SLC17A9: variants seen among roughly 807,000 people sequenced by gnomAD.
SLC17A9 encodes the protein voltage-gated purine nucleotide uniporter SLC17A9.
Under a neutral mutation model 55.0 loss-of-function variants are expected in SLC17A9, and 49 were observed. That is an observed-to-expected ratio of 0.89 (90% confidence interval 0.71 to 1.13). SLC17A9 has a LOEUF of 1.13. SLC17A9 is among the 50% of genes most tolerant of loss of function. The pLI is 0.00. For missense variants in SLC17A9, 526 were observed against 569.3 expected (o/e 0.92, Z 0.77); for synonymous variants, 256 against 247.4 (o/e 1.03, Z -0.32).
chr20:62,963,166 C>T (rs1434350736), intron 5 of SLC17A9, 107 bp from the exon 6 acceptor site: 15 of 1,153,120 alleles, frequency 1.3e-5, no homozygotes, highest in East Asian at 7.6e-5. Context: ...GAGGCATGGA[C>T]GAGGCCTGCT....
chr20:62,960,483 C>A, intron 3 of SLC17A9, 21 bp from the exon 4 acceptor site: 2 of 1,604,452 alleles, frequency 1.2e-6, no homozygotes. Flanking sequence ...CCCTGAGAGA[C>A]CCTCCCTCCA....
At position 62,956,867 on chromosome 20, in the gene SLC17A9, C is replaced by T. The variant is rs780355377; in HGVS notation, c.162C>T (p.Asp54=). ...TCTGCACCGTCTCCATGAGCCAGGA[C>T]TTCGGCTGGAACAAGAAGGAGGCCG... ...MPICTVSMSQ[D]FGWNKKEAGI... The change falls in exon 2 of 13, where the codon GAC becomes GAT. Residue 54 remains aspartate (D), a synonymous_variant. Coordinates refer to ENST00000370351, the MANE Select transcript of SLC17A9 (RefSeq NM_022082.4). 13 of 1,613,592 alleles carry T rather than the reference C, an allele frequency of 8.1e-6. No homozygotes were observed. The highest frequency in any genetic ancestry group is 1.1e-5 in the Non-Finnish European group (13 of 1,180,028).
chr20:62,952,720 C>T lies in SLC17A9; in HGVS notation c.-111C>T, dbSNP rs984231273. The T allele has an allele frequency of 2.1e-5, 24 of 1,169,402 alleles. No individual in the cohort carries two copies. The highest frequency in any genetic ancestry group is 3.2e-5 in the South Asian group (2 of 62,938). 72.4% of individuals were successfully genotyped at this position (1,169,402 alleles called of 1,614,324 possible). A position where few individuals can be genotyped will look rare whatever the true frequency, so the allele number is the denominator to read the frequency against. On this transcript the variant is annotated 5_prime_UTR_variant, in exon 1 of 13. Coordinates refer to ENST00000370351, the MANE Select transcript of SLC17A9 (RefSeq NM_022082.4). ...GTCCTGAGAGAACCAGACGGAAGCG[C>T]GCTGGGACTGACACGTGGACTTGGG...
At chr20:62,965,521 C>G (rs1343274232) in intron 9 of SLC17A9, 89 bp from the exon 10 acceptor site, 1 of 1,264,820 alleles carries the variant, frequency 7.9e-7, no homozygotes, top group Non-Finnish European at 1.1e-6. Context: ...TGCGGTGCGC[C>G]CAGGGGGGCT....
In SLC17A9 at chr20:62,960,720, G is replaced by T. The variant is rs984273791; in HGVS notation, c.497+117G>T. On this transcript the variant is annotated intron_variant, in intron 4 of 12. Coordinates refer to ENST00000370351, the MANE Select transcript of SLC17A9 (RefSeq NM_022082.4). ...GGGCTTGCAGGGCCACCATGGTGAGGTGGGTCCCGCAGGCGCCTTTTGGGC... is the reference window on the plus strand; with the variant it reads ...GGGCTTGCAGGGCCACCATGGTGAGTTGGGTCCCGCAGGCGCCTTTTGGGC... The T allele has an allele frequency of 3.0e-6, 3 of 1,004,478 alleles. No individual in the cohort carries two copies. In the East Asian group the frequency reaches 7.9e-5, roughly 26 times the overall value. The allele number at this position is 1,004,478 out of a possible 1,614,324, so 62.2% of individuals were successfully genotyped here.
intron 3 of SLC17A9, 28 bp downstream of exon 3, chr20:62,957,608 C>G: frequency 6.7e-7 from 1 of 1,500,750 alleles, no homozygotes; most frequent in Non-Finnish European, 8.9e-7. Flanking sequence ...GGCTCCCTCA[C>G]GCTCTCTGGC....
intron 12 of SLC17A9, chr20:62,967,120 T>C: frequency 1.7e-6 from 1 of 605,922 alleles, no homozygotes; most frequent in South Asian, 2.1e-5. Context: ...ACCAGGCCAT[T>C]TTCTGGATGG....
At position 62,967,770 on chromosome 20, in the gene SLC17A9, G is replaced by C; in HGVS notation, c.*270G>C. The stretch of plus-strand genomic sequence containing the variant: ...CCCTGTCCTCCTCACAGGCTGGTGT[G>C]GCCGTCAGGGTGGGTGGGGTTATTG... On this transcript the variant is annotated 3_prime_UTR_variant, in exon 13 of 13. Transcript: ENST00000370351. 2.5e-6 allele frequency: 1 copy of C among 394,964 alleles called. No homozygotes were observed. The highest frequency in any genetic ancestry group is 4.6e-6 in the Non-Finnish European group (1 of 218,012). The allele number at this position is 394,964 out of a possible 1,614,324, so 24.5% of individuals were successfully genotyped here.
chr20:62,963,579 C>A lies in SLC17A9; in HGVS notation c.726-5C>A. Reference sequence around the variant, plus strand: ...AGAGTCACGGTCCACCATTGGGCCCCGCAGGGCAGCCGTCGTCTCCCAGCT... The same window carrying A: ...AGAGTCACGGTCCACCATTGGGCCCAGCAGGGCAGCCGTCGTCTCCCAGCT... On this transcript the variant is annotated splice_region_variant and splice_polypyrimidine_tract_variant and intron_variant, in intron 6 of 12. Coordinates refer to ENST00000370351, the MANE Select transcript of SLC17A9 (RefSeq NM_022082.4). The A allele has an allele frequency of 1.3e-6, 2 of 1,587,240 alleles. No homozygotes were observed. The highest frequency in any genetic ancestry group is 2.3e-5 in the East Asian group (1 of 43,692).
At chr20:62,961,057 C>T (rs1202007268) in intron 4 of SLC17A9, among the ~76,000 whole-genome samples, 3 of 129,468 alleles carry the variant, frequency 2.3e-5, no homozygotes, top group East Asian at 2.4e-4. Flanking sequence ...GGCTGGAGGG[C>T]GGCTTGTCCT....
At position 62,953,155 on chromosome 20, in the gene SLC17A9, T is replaced by C. The variant is rs1218523728; in HGVS notation, c.59+266T>C. ...CCTGGGGCTCTTCCAGGCAGGGCTA[T>C]GTTCCCCAGGCCAGGGGCATTGTCC... is the stretch of plus-strand genomic sequence containing the variant. On this transcript the variant is annotated intron_variant, in intron 1 of 12. Transcript: ENST00000370351. 3 of 1,529,802 alleles carry C rather than the reference T, an allele frequency of 2.0e-6. No individual in the cohort carries two copies. The African/African-American group carries it at 4.1e-5, about 21-fold the overall frequency. The allele number at this position is 1,529,802 out of a possible 1,614,324, so 94.8% of individuals were successfully genotyped here. A position where few individuals can be genotyped will look rare whatever the true frequency, so the allele number is the denominator to read the frequency against.
At chr20:62,957,772 C>T (rs2065551530) in intron 3 of SLC17A9, among the ~76,000 whole-genome samples, 192 bp downstream of exon 3, 1 of 141,792 alleles carries the variant, frequency 7.1e-6, no homozygotes, top group South Asian at 2.3e-4. Context: ...GGCATGCCCG[C>T]GTGCATGCGT....
rs2065665037 is a variant in SLC17A9 at position 62,969,425 on chromosome 20, G to GT, written c.*1926dup. 6.6e-6 allele frequency: 1 copy of GT among 151,882 alleles called. No homozygotes were observed. The allele number at this position is 151,882 out of a possible 1,614,324, so 9.4% of individuals were successfully genotyped here. ...CCCCATTCCACTTTGTGTCTCGACC[G>GT]TAAGTGTGGCTGCTCTGGGACCAGT... On this transcript the variant is annotated 3_prime_UTR_variant, in exon 13 of 13. Transcript: ENST00000370351.
Position 62,960,443 on chromosome 20 carries a change from G to A in SLC17A9, c.398-61G>A, listed in dbSNP as rs563761300. 16 of 1,505,200 alleles carry A rather than the reference G, an allele frequency of 1.1e-5. No homozygotes were observed. The African/African-American group carries it at 2.2e-4, about 21-fold the overall frequency. 93.2% of individuals were successfully genotyped at this position (1,505,200 alleles called of 1,614,324 possible). A position where few individuals can be genotyped will look rare whatever the true frequency, so the allele number is the denominator to read the frequency against. ...TGGAATCACAGCCCAAACCTGAGCA[G>A]ATAGGCCGGGAGGAGCCTCCCTGGA... On this transcript the variant is annotated intron_variant, in intron 3 of 12. Coordinates refer to ENST00000370351, the MANE Select transcript of SLC17A9 (RefSeq NM_022082.4).
intron 12 of SLC17A9, 54 bp from the exon 13 acceptor site, chr20:62,967,283 G>A: frequency 6.2e-7 from 1 of 1,603,866 alleles, no homozygotes; most frequent in Non-Finnish European, 8.5e-7. Context: ...AGGGTGGGGT[G>A]TGGGGCCTGG....
At position 62,963,645 on chromosome 20, in the gene SLC17A9, C is replaced by G. The variant is rs1298505555; in HGVS notation, c.787C>G (p.Pro263Ala). 1.2e-6 allele frequency: 2 copies of G among 1,603,220 alleles called. No individual in the cohort carries two copies. The highest frequency in any genetic ancestry group is 1.7e-4 in the Middle Eastern group (1 of 6,054). ...CSFFILLSWL[P>A]TFFEETFPDA... ...CTTCTTCATCCTCCTCTCCTGGCTG[C>G]CCACCTTCTTCGAGGAGACCTTCCC... The change falls in exon 7 of 13, where the codon CCC (proline) becomes GCC (alanine). Residue 263 changes from proline to alanine, a missense_variant. Transcript: ENST00000370351.
At position 62,962,610 on chromosome 20, in the gene SLC17A9, C is replaced by T; in HGVS notation, c.498-14C>T. On this transcript the variant is annotated splice_polypyrimidine_tract_variant and intron_variant, in intron 4 of 12. Coordinates refer to ENST00000370351, the MANE Select transcript of SLC17A9 (RefSeq NM_022082.4). This position sits in a 1 kb window ranked among gnomAD's most constrained non-coding sequence, Gnocchi z 5.5. Reference sequence around the variant, plus strand: ...CCGCTGAGGGGCCTGGCCACACTCCCCCTGTCTTTGCAGGACGCTGCTGAC... The same window carrying T: ...CCGCTGAGGGGCCTGGCCACACTCCTCCTGTCTTTGCAGGACGCTGCTGAC... 6.2e-7 allele frequency: 1 copy of T among 1,613,340 alleles called. No individual in the cohort carries two copies. The highest frequency in any genetic ancestry group is 8.5e-7 in the Non-Finnish European group (1 of 1,179,572).
At chr20:62,960,412 G>A (rs948308664) in intron 3 of SLC17A9, 92 bp from the exon 4 acceptor site, 3 of 1,200,178 alleles carry the variant, frequency 2.5e-6, no homozygotes, top group South Asian at 1.3e-5. Context: ...ACAGGTGGAC[G>A]TCCTCTGGAA....
rs1316109769 is a variant in SLC17A9 at position 62,962,411 on chromosome 20, C to T, written c.498-213C>T. On this transcript the variant is annotated intron_variant, in intron 4 of 12. Transcript: ENST00000370351. The surrounding 1 kb of genome is among the most constrained non-coding windows in gnomAD (Gnocchi z 5.5). Reference sequence around the variant, plus strand: ...ACATGCGTGGCTGGTCCCAGGTTCGCCCCAGCCCTGTGTGCCCGGAGTCTC... The same window carrying T: ...ACATGCGTGGCTGGTCCCAGGTTCGTCCCAGCCCTGTGTGCCCGGAGTCTC... The T allele has an allele frequency of 2.1e-6, 1 of 472,126 alleles. No homozygotes were observed. The highest frequency in any genetic ancestry group is 2.0e-5 in the African/African-American group (1 of 49,748). 29.2% of individuals were successfully genotyped at this position (472,126 alleles called of 1,614,324 possible).
Sources: allele counts gnomAD v4.1 joint callset (sites outside exome capture counted in the v4.1 genomes callset), GRCh38; gene constraint gnomAD v4.1.1; non-coding constraint Gnocchi (gnomAD v3.1); transcripts MANE v1.5; gene names NCBI Gene and HGNC (gene_info 2026-07-23, HGNC 2026-07-21).